The following PKIB variants were observed in gnomAD, a reference collection of about 807,000 sequenced individuals.
PKIB encodes cAMP-dependent protein kinase inhibitor beta, also known as PKI-beta.
In PKIB, 2 loss-of-function variants were observed where a neutral mutation model predicts 4.5. The observed-to-expected ratio is 0.44, with a 90% confidence interval of 0.18 to 1.39. The LOEUF (loss-of-function observed/expected upper bound fraction) is 1.39. PKIB is among the 40% of genes most tolerant of loss of function. The probability of loss-of-function intolerance (pLI) is 0.27; values close to 1 mark genes in which losing one functional copy is unlikely to be tolerated. For synonymous variants in PKIB, 38 were observed against 36.0 expected (o/e 1.06, Z -0.20); for missense variants, 94 against 92.6 (o/e 1.02, Z -0.06).
intron 3 of PKIB, among the ~76,000 whole-genome samples, chr6:122,591,174 C>CA: frequency 6.6e-6 from 1 of 150,862 alleles, no homozygotes; most frequent in South Asian, 2.1e-4. Context: ...GGTCCCCCCC[C>CA]ACATCTAATT....
At chr6:122,511,693 T>C (rs1562234823) in intron 2 of PKIB, among the ~76,000 whole-genome samples, 1 of 152,150 alleles carries the variant, frequency 6.6e-6, no homozygotes, top group Non-Finnish European at 1.5e-5. Flanking sequence ...GTTTCCACAG[T>C]ATTTATTGAG....
intron 3 of PKIB, among the ~76,000 whole-genome samples, chr6:122,681,226 GT>G (rs71272333): frequency 1.1e-4 from 17 of 151,786 alleles, no homozygotes; most frequent in African/African-American, 3.9e-4. Context: ...TTTTTATAAT[GT>G]TTTTTCTCAT....
At chr6:122,476,518 A>G (rs1775454604) in intron 1 of PKIB, among the ~76,000 whole-genome samples, 1 of 152,180 alleles carries the variant, frequency 6.6e-6, no homozygotes, top group Non-Finnish European at 1.5e-5. Context: ...CTTTCCACAC[A>G]GATTTTCTTA....
chr6:122,520,712 G>T (rs891368139), intron 2 of PKIB, among the ~76,000 whole-genome samples: 10 of 127,414 alleles, frequency 7.8e-5, no homozygotes, highest in Non-Finnish European at 1.5e-4. Flanking sequence ...ACAAATTGTG[G>T]TTTCAGACCG....
At position 122,725,506 on chromosome 6, in the gene PKIB, A is replaced by T; in HGVS notation, c.*311A>T. 4.3e-6 allele frequency: 1 copy of T among 230,104 alleles called. No homozygotes were observed. Among genetic ancestry groups the T allele is most frequent in the Admixed American group, 5.5e-5 (1 of 18,222 alleles). The allele number at this position is 230,104 out of a possible 1,614,324, so 14.3% of individuals were successfully genotyped here. A position where few individuals can be genotyped will look rare whatever the true frequency, so the allele number is the denominator to read the frequency against. On this transcript the variant is annotated 3_prime_UTR_variant, in exon 5 of 5. Coordinates refer to ENST00000368452, the MANE Select transcript of PKIB (RefSeq NM_181795.3). ...TCACTGTTCTCTTTTGGATTTATTTAGCCTGATGTATTTTTAATTCAATTT... is the reference window on the plus strand; with the variant it reads ...TCACTGTTCTCTTTTGGATTTATTTTGCCTGATGTATTTTTAATTCAATTT...
intron 2 of PKIB, among the ~76,000 whole-genome samples, chr6:122,487,526 C>T (rs970085265): frequency 6.6e-6 from 1 of 152,130 alleles, no homozygotes; most frequent in Admixed American, 6.5e-5. Context: ...GATTTATGCT[C>T]TTATAAAAGA....
chr6:122,569,667 A>G (rs948434437), intron 2 of PKIB, among the ~76,000 whole-genome samples: 4 of 152,162 alleles, frequency 2.6e-5, no homozygotes, highest in Non-Finnish European at 4.4e-5. Flanking sequence ...CCTTGCAGAC[A>G]TTCCTCAGCA....
chr6:122,569,860 T>C (rs1028432455), intron 2 of PKIB, among the ~76,000 whole-genome samples: 25 of 152,146 alleles, frequency 1.6e-4, no homozygotes, highest in Non-Finnish European at 2.5e-4. Flanking sequence ...TTTCCACTAA[T>C]GGGAAGTTTC....
rs1383980232 is a variant in PKIB, at chr6:122,653,696, C to T, written c.-76+20329C>T. 6.6e-5 allele frequency among the ~76,000 whole-genome samples: 10 copies of T among 151,738 alleles called. 1 individual carries two copies. Among genetic ancestry groups the T allele is most frequent in the Non-Finnish European group, 1.3e-4 (9 of 67,974 alleles). On this transcript the variant is annotated intron_variant, in intron 2 of 4. Transcript: ENST00000368452. ...GGCTTCCTGGCCAGGCGCAGTGGCT[C>T]CCGCCTGTAATCCCAGCACTTTGGG... is the stretch of plus-strand genomic sequence containing the variant.
chr6:122,576,204 A>T (rs920432801), intron 2 of PKIB, among the ~76,000 whole-genome samples: 7 of 152,208 alleles, frequency 4.6e-5, no homozygotes, highest in Non-Finnish European at 8.8e-5. Context: ...CCTTACACTT[A>T]AAATATATAT....
intron 2 of PKIB, among the ~76,000 whole-genome samples, chr6:122,491,237 T>C (rs1324651007): frequency 1.3e-5 from 2 of 152,196 alleles, no homozygotes; most frequent in Non-Finnish European, 2.9e-5. Context: ...CTGCCTGTTC[T>C]CATGCACAGT....
chr6:122,509,761 A>T (rs1776529240), intron 2 of PKIB, among the ~76,000 whole-genome samples: 1 of 152,128 alleles, frequency 6.6e-6, no homozygotes, highest in Non-Finnish European at 1.5e-5. Flanking sequence ...ATATACTGTA[A>T]GCATTTTTAT....
At chr6:122,574,594 A>G (rs536101726) in intron 2 of PKIB, among the ~76,000 whole-genome samples, 3 of 152,314 alleles carry the variant, frequency 2.0e-5, no homozygotes, top group Admixed American at 2.0e-4. Context: ...TAGAGAACCC[A>G]GAAGTAAAGC....
chr6:122,514,190 T>C (rs533574236), intron 2 of PKIB, among the ~76,000 whole-genome samples: 1 of 152,216 alleles, frequency 6.6e-6, no homozygotes. Context: ...ATGCTTGCCT[T>C]TTTTTGGCTT....
chr6:122,651,963 G>T (rs1776572039), intron 2 of PKIB, among the ~76,000 whole-genome samples: 1 of 152,130 alleles, frequency 6.6e-6, no homozygotes. Context: ...TGAGTACTCA[G>T]TGGTGATATT....
chr6:122,624,039 TA>T (rs1775340922), intron 1 of PKIB, among the ~76,000 whole-genome samples: 1 of 152,166 alleles, frequency 6.6e-6, no homozygotes, highest in Non-Finnish European at 1.5e-5. Context: ...TATTTTTACT[TA>T]TAGGGAAGTC....
intron 2 of PKIB, among the ~76,000 whole-genome samples, chr6:122,578,956 G>C (rs1773627973): frequency 1.3e-5 from 2 of 152,166 alleles, no homozygotes; most frequent in African/African-American, 4.8e-5. Flanking sequence ...AGAAGAACAT[G>C]TTAGCTTTCC....
intron 3 of PKIB, among the ~76,000 whole-genome samples, chr6:122,596,911 G>A (rs931001022): frequency 6.6e-6 from 1 of 152,152 alleles, no homozygotes; most frequent in African/African-American, 2.4e-5. Flanking sequence ...CTTGATAAAT[G>A]GGCTGGAGTA....
chr6:122,676,344 T>A (rs190432447), intron 3 of PKIB, among the ~76,000 whole-genome samples: 1 of 152,192 alleles, frequency 6.6e-6, no homozygotes, highest in African/African-American at 2.4e-5. Context: ...TAAATACAGA[T>A]GAAGCTTTGC....
Sources: gnomAD v4.1 joint callset for allele counts (sites outside exome capture counted in the v4.1 genomes callset) on GRCh38, gnomAD v4.1.1 for gene constraint, MANE v1.5 for transcripts, NCBI Gene and HGNC (gene_info 2026-07-23, HGNC 2026-07-21) for gene names.